Variants in KCTD1 observed in about 807,000 individuals in gnomAD.
KCTD1 encodes the protein potassium channel tetramerization domain containing 1, also known as BTB/POZ domain-containing protein KCTD1.
Under a neutral mutation model 66.0 loss-of-function variants are expected in KCTD1, and 24 were observed. The observed-to-expected ratio is 0.36, with a 90% CI of 0.26 to 0.51. KCTD1 has a LOEUF of 0.51. KCTD1 is among the 20% of genes least tolerant of loss of function. The pLI is 0.95. For missense variants in KCTD1, 943 were observed against 1,205.2 expected, an observed-to-expected ratio of 0.78 and a Z score of 3.22; for synonymous variants, 511 against 517.2, an observed-to-expected ratio of 0.99 and a Z score of 0.16.
At chr18:26,551,035 A>G (rs952262762), upstream of KCTD1, among the ~76,000 whole-genome samples, 5 of 152,052 alleles carry the variant, frequency 3.3e-5, no homozygotes, top group Non-Finnish European at 7.4e-5. Context: ...GCAGCCTGGG[A>G]GCGGAGCCGC....
chr18:26,620,505 C>T (rs1400233610), intron 1 of KCTD1, among the ~76,000 whole-genome samples: 2 of 140,188 alleles, frequency 1.4e-5, no homozygotes, highest in Non-Finnish European at 3.0e-5. Flanking sequence ...GGTGCAATCA[C>T]GGCTCACTGC....
At chr18:26,623,559 A>T (rs1413306819) in intron 1 of KCTD1, among the ~76,000 whole-genome samples, 5 of 152,164 alleles carry the variant, frequency 3.3e-5, no homozygotes, top group Non-Finnish European at 5.9e-5. Flanking sequence ...GAAGAAGGAC[A>T]TGTTTGCTTC....
chr18:26,466,242 T>C (rs1225434176), intron 3 of KCTD1, among the ~76,000 whole-genome samples: 2 of 152,232 alleles, frequency 1.3e-5, no homozygotes, highest in Non-Finnish European at 2.9e-5. Context: ...TCAGATGGTG[T>C]CTCTGTAGGA....
chr18:26,533,033 T>C lies in KCTD1; in HGVS notation c.1809+13695A>G, dbSNP rs946796653. Among the ~76,000 whole-genome samples the C allele has an allele frequency of 5.3e-5, 8 of 152,352 alleles. No homozygotes were observed. In the East Asian group the frequency reaches 1.4e-3, roughly 26 times the overall value. On this transcript the variant is annotated intron_variant, in intron 1 of 4. Transcript: ENST00000580059. ...CTAGGTTTGCCATTGACCACCTCCT[T>C]CCTGGAGCAGGTCACTTAACCTCTG... is the stretch of plus-strand genomic sequence containing the variant.
At chr18:26,599,876 A>G in intron 1 of KCTD1, 2 of 1,552,030 alleles carry the variant, frequency 1.3e-6, no homozygotes. Context: ...CTGTTTGTTC[A>G]GATCACAGGC....
At chr18:26,517,737 G>A (rs1034124517) in intron 1 of KCTD1, among the ~76,000 whole-genome samples, 1 of 151,716 alleles carries the variant, frequency 6.6e-6, no homozygotes, top group Non-Finnish European at 1.5e-5. Context: ...CGTGAGACGT[G>A]CTTTTCACTT....
At chr18:26,590,781 A>G (rs1986582517) in intron 1 of KCTD1, among the ~76,000 whole-genome samples, 1 of 152,154 alleles carries the variant, frequency 6.6e-6, no homozygotes, top group Non-Finnish European at 1.5e-5. Context: ...TGGATGTATT[A>G]TACACATGAA....
upstream of KCTD1, among the ~76,000 whole-genome samples, chr18:26,551,804 C>G (rs1392400658): frequency 6.6e-6 from 1 of 152,176 alleles, no homozygotes; most frequent in Non-Finnish European, 1.5e-5. Context: ...AAAAAGCTTT[C>G]TTCTTATTAT....
At chr18:26,572,064 T>G (rs1400636335) in intron 1 of KCTD1, among the ~76,000 whole-genome samples, 1 of 133,104 alleles carries the variant, frequency 7.5e-6, no homozygotes. Flanking sequence ...GTTGTTGTTG[T>G]TTTTTTTTTT....
At chr18:26,505,971 G>A (rs1271387604) in intron 1 of KCTD1, among the ~76,000 whole-genome samples, 1 of 151,952 alleles carries the variant, frequency 6.6e-6, no homozygotes, top group Non-Finnish European at 1.5e-5. Flanking sequence ...CGCTTCCCAG[G>A]TTCAAGCAAT....
intron 4 of KCTD1, 100 bp downstream of exon 4, chr18:26,459,520 T>A: frequency 8.6e-7 from 1 of 1,160,624 alleles, no homozygotes; most frequent in South Asian, 1.5e-5. Context: ...ACTGAGTGAG[T>A]TTCTAAGCTC....
At chr18:26,464,086 G>T (rs1046801229) in intron 3 of KCTD1, among the ~76,000 whole-genome samples, 1 of 152,214 alleles carries the variant, frequency 6.6e-6, no homozygotes, top group Non-Finnish European at 1.5e-5. Flanking sequence ...AGTGTATTAG[G>T]TTCCTACTGC....
chr18:26,474,213 C>CTAGTCTATAGCATGGA (rs1173698116), intron 3 of KCTD1, among the ~76,000 whole-genome samples: 1 of 152,182 alleles, frequency 6.6e-6, no homozygotes, highest in African/African-American at 2.4e-5. Context: ...ATCTTTTAAA[C>CTAGTCTATAGCATGGA]TAGTCTATAG....
chr18:26,486,154 G>A (rs888154493), intron 2 of KCTD1, among the ~76,000 whole-genome samples: 13 of 152,224 alleles, frequency 8.5e-5, no homozygotes, highest in Non-Finnish European at 1.5e-4. Context: ...CAAGCGATCC[G>A]CCCCACTTGG....
upstream of KCTD1, among the ~76,000 whole-genome samples, chr18:26,642,334 C>T (rs1022516769): frequency 2.0e-5 from 3 of 152,134 alleles, no homozygotes; most frequent in African/African-American, 7.2e-5. Context: ...ACACTTGTCC[C>T]CTCCCAGAAA....
intron 1 of KCTD1, among the ~76,000 whole-genome samples, chr18:26,571,656 T>C (rs947080004): frequency 1.3e-5 from 2 of 152,230 alleles, no homozygotes; most frequent in African/African-American, 4.8e-5. Flanking sequence ...TTAGAATATT[T>C]TCAATGTGAG....
In KCTD1 at chr18:26,489,394, G is replaced by A. The variant is rs76565544; in HGVS notation, c.1988+11678C>T. ...CAGTGGACCCATGAGATATCTTTCA[G>A]AGGGACTTTCTGATACTACTCATAG... is the stretch of plus-strand genomic sequence containing the variant. On this transcript the variant is annotated intron_variant, in intron 2 of 4. Coordinates refer to ENST00000580059, the MANE Select transcript of KCTD1 (RefSeq NM_001142730.3). Among the ~76,000 whole-genome samples the A allele has an allele frequency of 9.6e-4, 146 of 152,270 alleles. 4 individuals are homozygous for A. The East Asian group carries it at 0.022, about 23-fold the overall frequency.
At chr18:26,478,889 T>A (rs1981482877) in intron 2 of KCTD1, among the ~76,000 whole-genome samples, 1 of 152,124 alleles carries the variant, frequency 6.6e-6, no homozygotes, top group Admixed American at 6.5e-5. Context: ...TCCAAGCCAG[T>A]CAACAAAAAT....
At chr18:26,457,608 G>C (rs889741491) in intron 4 of KCTD1, 7 of 152,204 alleles carry the variant, frequency 4.6e-5, no homozygotes, top group African/African-American at 1.7e-4. Context: ...TATTCAATGT[G>C]ATCCAATGTT....
Sources: allele counts gnomAD v4.1 joint callset (sites outside exome capture counted in the v4.1 genomes callset), GRCh38; gene constraint gnomAD v4.1.1; transcripts MANE v1.5; gene names NCBI Gene and HGNC (gene_info 2026-07-23, HGNC 2026-07-21).